Variants in PHLPP1 observed in about 807,000 individuals in gnomAD.
PHLPP1 encodes PH domain leucine-rich repeat-containing protein phosphatase 1.
A neutral mutation model predicts 117.2 loss-of-function variants in PHLPP1; 42 were observed. The observed-to-expected ratio is 0.36, with a 90% CI of 0.28 to 0.46. PHLPP1 has a LOEUF of 0.46. PHLPP1 is among the 20% of genes least tolerant of loss of function. PHLPP1 has a pLI of 1.00. For synonymous variants in PHLPP1, 1,042 were observed against 970.7 expected, an observed-to-expected ratio of 1.07 and a Z score of -1.37; for missense variants, 2,084 against 2,241.9, an observed-to-expected ratio of 0.93 and a Z score of 1.42.
At chr18:62,780,383 T>G (rs1389682924) in intron 1 of PHLPP1, among the ~76,000 whole-genome samples, 1 of 152,238 alleles carries the variant, frequency 6.6e-6, no homozygotes, top group Admixed American at 6.5e-5. Context: ...TTTGGCCTTC[T>G]CACAGTTTGA....
chr18:62,912,347 C>G (rs938340802), intron 8 of PHLPP1, among the ~76,000 whole-genome samples: 5 of 126,078 alleles, frequency 4.0e-5, no homozygotes, highest in Admixed American at 8.0e-5. Context: ...CCTGATCCAT[C>G]AAAAAAAAAA....
intron 1 of PHLPP1, among the ~76,000 whole-genome samples, chr18:62,754,672 T>C (rs890324451): frequency 6.6e-6 from 1 of 152,204 alleles, no homozygotes; most frequent in Non-Finnish European, 1.5e-5. Context: ...GCTTAGCTAT[T>C]GTATCAAAAC....
chr18:62,883,394 G>T (rs1489816359), intron 4 of PHLPP1, among the ~76,000 whole-genome samples: 2 of 152,094 alleles, frequency 1.3e-5, no homozygotes, highest in Non-Finnish European at 2.9e-5. Context: ...AGAAAAGTGG[G>T]CAAAGGATAT....
At position 62,789,280 on chromosome 18, in the gene PHLPP1, T is replaced by C. The variant is rs182815179; in HGVS notation, c.1577-40755T>C. Among the ~76,000 whole-genome samples, 139 of 152,328 alleles carry C rather than the reference T, an allele frequency of 9.1e-4. 1 individual carries two copies. Among genetic ancestry groups the C allele is most frequent in the African/African-American group, 3.3e-3 (136 of 41,582 alleles). ...ATGGCAGAGAGCATTTTCATATAAGTAGGTGACATTTTTGTCTTAAAAGAA... is the reference window on the plus strand; with the variant it reads ...ATGGCAGAGAGCATTTTCATATAAGCAGGTGACATTTTTGTCTTAAAAGAA... On this transcript the variant is annotated intron_variant, in intron 1 of 16. Transcript: ENST00000262719.
rs1304949200 is a variant in PHLPP1, at chr18:62,798,188, T to A, written c.1577-31847T>A. Among the ~76,000 whole-genome samples, 9 of 152,254 alleles carry A rather than the reference T, an allele frequency of 5.9e-5. No homozygotes were observed. In the East Asian group the frequency reaches 1.7e-3, roughly 29 times the overall value. On this transcript the variant is annotated intron_variant, in intron 1 of 16. Coordinates refer to ENST00000262719, the MANE Select transcript of PHLPP1 (RefSeq NM_194449.4). ...ATAGTTCGGAGTAAGGCCCACAAAT[T>A]TGCTTTTCTAACAGGTTCTCAGGTG...
At chr18:62,771,243 G>GTCACTATC (rs935893477) in intron 1 of PHLPP1, among the ~76,000 whole-genome samples, 4 of 150,422 alleles carry the variant, frequency 2.7e-5, no homozygotes, top group Non-Finnish European at 5.9e-5. Flanking sequence ...AAGCAAAGTT[G>GTCACTATC]TCACTATCTC....
chr18:62,782,209 C>T (rs763757634), intron 1 of PHLPP1, among the ~76,000 whole-genome samples: 6 of 152,242 alleles, frequency 3.9e-5, no homozygotes, highest in Non-Finnish European at 8.8e-5. Context: ...TGGAGGATGT[C>T]TGCCAAGAGG....
rs550351093 is a variant in PHLPP1 at position 62,898,285 on chromosome 18, T to C, written c.2444+2274T>C. On this transcript the variant is annotated intron_variant, in intron 6 of 16. Coordinates refer to ENST00000262719, the MANE Select transcript of PHLPP1 (RefSeq NM_194449.4). ...GTAAAACAGAGTTCAGTGTCTTTCT[T>C]ACTCAACCAATTCTTTCTCATGGAT... Among the ~76,000 whole-genome samples, 11 of 152,364 alleles carry C rather than the reference T, an allele frequency of 7.2e-5. No homozygotes were observed. In the South Asian group the frequency reaches 2.3e-3, roughly 32 times the overall value.
At chr18:62,949,244 C>A (rs1461406726) in intron 12 of PHLPP1, among the ~76,000 whole-genome samples, 2 of 152,164 alleles carry the variant, frequency 1.3e-5, no homozygotes, top group Non-Finnish European at 2.9e-5. Context: ...GCATTGCTAT[C>A]TTTTCAGACA....
Position 62,897,547 on chromosome 18 carries a change from C to T in PHLPP1, c.2444+1536C>T, listed in dbSNP as rs1314678418. Among the ~76,000 whole-genome samples, 3 of 152,132 alleles carry T rather than the reference C, an allele frequency of 2.0e-5. 1 individual carries two copies. Among genetic ancestry groups the T allele is most frequent in the South Asian group, 4.1e-4 (2 of 4,824 alleles). ...TCAGAGATAGAGTATCTGTCTGTCGCCCAGGCTGGAGTGCAGTGGCATGAT... is the reference window on the plus strand; with the variant it reads ...TCAGAGATAGAGTATCTGTCTGTCGTCCAGGCTGGAGTGCAGTGGCATGAT... On this transcript the variant is annotated intron_variant, in intron 6 of 16. Coordinates refer to ENST00000262719, the MANE Select transcript of PHLPP1 (RefSeq NM_194449.4).
intron 1 of PHLPP1, among the ~76,000 whole-genome samples, chr18:62,819,589 C>T (rs969700509): frequency 1.3e-5 from 2 of 152,192 alleles, no homozygotes; most frequent in Middle Eastern, 3.4e-3. Context: ...AGTTAAAAGA[C>T]AGATTATCAG....
At chr18:62,870,222 C>T (rs1915868055) in intron 4 of PHLPP1, among the ~76,000 whole-genome samples, 1 of 152,138 alleles carries the variant, frequency 6.6e-6, no homozygotes, top group South Asian at 2.1e-4. Context: ...TTACACACTA[C>T]TATGAGGTGT....
chr18:62,816,632 G>T (rs1914283535), intron 1 of PHLPP1, among the ~76,000 whole-genome samples: 1 of 152,210 alleles, frequency 6.6e-6, no homozygotes, highest in South Asian at 2.1e-4. Flanking sequence ...TTATGCAGTG[G>T]TGGGTATTAT....
chr18:62,750,109 T>C (rs1911799757), intron 1 of PHLPP1, among the ~76,000 whole-genome samples: 1 of 152,126 alleles, frequency 6.6e-6, no homozygotes, highest in African/African-American at 2.4e-5. Flanking sequence ...ATTTTAACCT[T>C]ATCACCCCTC....
In PHLPP1 at chr18:62,978,934, A is replaced by G; in HGVS notation, c.4657A>G (p.Ile1553Val). The stretch of plus-strand genomic sequence containing the variant: ...CCTTGACAGTGACGATGAGGAGCCC[A>G]TCGAGGGCGTCTTCACCAACGGCAG... ...NGLDSDDEEP[I>V]EGVFTNGSRV... Residue 1553 changes from isoleucine to valine, a missense_variant, in exon 17 of 17, where the codon ATC becomes GTC. Around this residue, in one of 2 missense-constraint regions of PHLPP1, gnomAD observed 1,365 missense variants for 1,605.9 expected, o/e 0.85. Coordinates refer to ENST00000262719, the MANE Select transcript of PHLPP1 (RefSeq NM_194449.4). This position sits in a 1 kb window ranked among gnomAD's most constrained non-coding sequence, Gnocchi z 7.0. The G allele has an allele frequency of 6.2e-7, 1 of 1,608,834 alleles. No individual in the cohort carries two copies. Among genetic ancestry groups the G allele is most frequent in the Non-Finnish European group, 8.5e-7 (1 of 1,177,666 alleles).
chr18:62,948,498 T>C (rs1910362586), intron 12 of PHLPP1, among the ~76,000 whole-genome samples: 3 of 152,198 alleles, frequency 2.0e-5, no homozygotes, highest in Non-Finnish European at 2.9e-5. Flanking sequence ...CTGTACCTGC[T>C]TTACAACTCC....
At chr18:62,961,096 C>T (rs1401545929) in intron 13 of PHLPP1, among the ~76,000 whole-genome samples, 1 of 152,028 alleles carries the variant, frequency 6.6e-6, no homozygotes, top group Non-Finnish European at 1.5e-5. Flanking sequence ...CAGGAGTTTG[C>T]AACCAGCCTG....
intron 4 of PHLPP1, among the ~76,000 whole-genome samples, chr18:62,884,571 G>A (rs1340678645): frequency 6.6e-6 from 1 of 152,256 alleles, no homozygotes; most frequent in Non-Finnish European, 1.5e-5. Context: ...GGCCCAGAGC[G>A]ACGCTTACAA....
rs62098625 is a variant in PHLPP1 at position 62,832,824 on chromosome 18, A to C, written c.1773+2593A>C. Among the ~76,000 whole-genome samples, 208 of 151,924 alleles carry C rather than the reference A, an allele frequency of 1.4e-3. 1 individual carries two copies. The highest frequency in any genetic ancestry group is 3.4e-3 in the Middle Eastern group (1 of 294). On this transcript the variant is annotated intron_variant, in intron 2 of 16. Transcript: ENST00000262719. ...GAAAGGAGTTTTATTTTTTCTTTTTAATTTAGATATAGAAGAGCTATAGAT... is the reference window on the plus strand; with the variant it reads ...GAAAGGAGTTTTATTTTTTCTTTTTCATTTAGATATAGAAGAGCTATAGAT...
Sources: allele counts gnomAD v4.1 joint callset (sites outside exome capture counted in the v4.1 genomes callset), GRCh38; gene constraint gnomAD v4.1.1; regional missense constraint gnomAD v4.1.1; non-coding constraint Gnocchi (gnomAD v3.1); transcripts MANE v1.5; gene names NCBI Gene and HGNC (gene_info 2026-07-23, HGNC 2026-07-21).